TMEM108: variants seen among roughly 807,000 people sequenced by gnomAD.
TMEM108 encodes cancer/testis antigen 124.
TMEM108 carries 12 observed loss-of-function variants against 35.1 expected under a neutral mutation model. That is an observed-to-expected ratio of 0.34 (90% CI 0.22 to 0.55). TMEM108 has a LOEUF of 0.55. TMEM108 is among the 20% of genes least tolerant of loss of function. TMEM108 has a pLI of 0.89. For synonymous variants in TMEM108, 287 were observed against 308.6 expected (o/e 0.93, Z 0.73); for missense variants, 680 against 753.3 (o/e 0.90, Z 1.14).
chr3:133,163,873 T>G (rs2107781981), intron 2 of TMEM108, among the ~76,000 whole-genome samples: 1 of 152,318 alleles, frequency 6.6e-6, no homozygotes, highest in African/African-American at 2.4e-5. Flanking sequence ...TTCCCACAGC[T>G]TAGGCTGCTG....
intron 3 of TMEM108, among the ~76,000 whole-genome samples, chr3:133,338,125 T>G (rs1017670239): frequency 6.6e-6 from 1 of 151,914 alleles, no homozygotes; most frequent in African/African-American, 2.4e-5. Flanking sequence ...GAGAAAGAGA[T>G]GGGGTAGAAA....
intron 3 of TMEM108, among the ~76,000 whole-genome samples, chr3:133,324,881 C>G (rs2071310950): frequency 6.6e-6 from 1 of 152,160 alleles, no homozygotes; most frequent in Admixed American, 6.5e-5. Context: ...GAGTCTGAAG[C>G]AGGAGAATTG....
At position 133,382,337 on chromosome 3, in the gene TMEM108, C is replaced by CA. The variant is rs1333929853; in HGVS notation, c.1450+1177dup. On this transcript the variant is annotated intron_variant, in intron 4 of 5. Coordinates refer to ENST00000321871, the MANE Select transcript of TMEM108 (RefSeq NM_023943.4). Reference sequence around the variant, plus strand: ...GGCCCTAAGCTGTGCCATCTGAAGCCATACAACTCTAGTTTGTCTAGCAAC... The same window carrying CA: ...GGCCCTAAGCTGTGCCATCTGAAGCCAATACAACTCTAGTTTGTCTAGCAAC... 9.2e-5 allele frequency among the ~76,000 whole-genome samples: 14 copies of CA among 152,352 alleles called. No individual in the cohort carries two copies. The East Asian group carries it at 2.7e-3, about 29-fold the overall frequency.
chr3:133,189,507 G>A (rs1230235136), intron 2 of TMEM108, among the ~76,000 whole-genome samples: 1 of 152,218 alleles, frequency 6.6e-6, no homozygotes, highest in Non-Finnish European at 1.5e-5. Context: ...TTTCCTCTGT[G>A]TGGTAGAAGA....
intron 2 of TMEM108, among the ~76,000 whole-genome samples, chr3:133,102,072 A>C (rs2107716072): frequency 6.6e-6 from 1 of 152,344 alleles, no homozygotes; most frequent in East Asian, 1.9e-4. Context: ...AATATGATTA[A>C]GTTACGTGAT....
chr3:133,106,082 T>C (rs1038822122), intron 2 of TMEM108, among the ~76,000 whole-genome samples: 5 of 151,286 alleles, frequency 3.3e-5, no homozygotes, highest in Admixed American at 6.6e-5. Context: ...TACATACTTA[T>C]AATAAGTGCA....
At chr3:133,324,077 A>G (rs951448826) in intron 3 of TMEM108, among the ~76,000 whole-genome samples, 1 of 152,240 alleles carries the variant, frequency 6.6e-6, no homozygotes, top group African/African-American at 2.4e-5. Context: ...AAAATTATAG[A>G]AGATAACATC....
chr3:133,396,018 T>C lies in TMEM108; in HGVS notation c.*32T>C. On this transcript the variant is annotated 3_prime_UTR_variant, in exon 6 of 6. Transcript: ENST00000321871. ...CAGGCATCACTTTGCCATTCCGTATTTTTCGTCTCTAAATTATAAATATAC... is the reference window on the plus strand; with the variant it reads ...CAGGCATCACTTTGCCATTCCGTATCTTTCGTCTCTAAATTATAAATATAC... The C allele has an allele frequency of 6.7e-7, 1 of 1,484,622 alleles. No individual in the cohort carries two copies. Among genetic ancestry groups the C allele is most frequent in the African/African-American group, 1.4e-5 (1 of 70,168 alleles). 92.0% of individuals were successfully genotyped at this position (1,484,622 alleles called of 1,614,324 possible). A position where few individuals can be genotyped will look rare whatever the true frequency, so the allele number is the denominator to read the frequency against.
intron 4 of TMEM108, among the ~76,000 whole-genome samples, chr3:133,382,037 C>G (rs2073027251): frequency 6.6e-6 from 1 of 152,184 alleles, no homozygotes; most frequent in African/African-American, 2.4e-5. Context: ...TACAACCTCT[C>G]AGAACTTTAG....
intron 2 of TMEM108, among the ~76,000 whole-genome samples, chr3:133,206,930 C>G (rs1945763912): frequency 6.6e-6 from 1 of 152,154 alleles, no homozygotes; most frequent in African/African-American, 2.4e-5. Context: ...GTGCTGTATC[C>G]CAGGGAGATG....
intron 2 of TMEM108, among the ~76,000 whole-genome samples, chr3:133,153,788 G>A (rs764985102): frequency 6.6e-5 from 10 of 152,088 alleles, no homozygotes; most frequent in East Asian, 3.8e-4. Context: ...AAGGCAAACC[G>A]AAGTCTGCAA....
chr3:133,169,851 T>C (rs2107789040), intron 2 of TMEM108, among the ~76,000 whole-genome samples: 1 of 151,846 alleles, frequency 6.6e-6, no homozygotes, highest in East Asian at 1.9e-4. Flanking sequence ...CCCCAATGAG[T>C]AAAAACACAG....
intron 2 of TMEM108, among the ~76,000 whole-genome samples, chr3:133,072,793 C>G (rs1943691836): frequency 1.3e-5 from 2 of 152,114 alleles, no homozygotes; most frequent in Non-Finnish European, 2.9e-5. Flanking sequence ...AAACCTCATA[C>G]CCATTAGCAG....
chr3:133,246,685 A>T (rs1043966837), intron 3 of TMEM108: 5 of 152,142 alleles, frequency 3.3e-5, no homozygotes, highest in Admixed American at 6.5e-5. Flanking sequence ...CACTCACTCC[A>T]CTGAGGCACC....
intron 3 of TMEM108, among the ~76,000 whole-genome samples, chr3:133,230,424 G>T (rs905790683): frequency 2.0e-5 from 3 of 152,208 alleles, no homozygotes; most frequent in Non-Finnish European, 4.4e-5. Flanking sequence ...GTCGCCAAGT[G>T]TTATAGGGAC....
intron 3 of TMEM108, among the ~76,000 whole-genome samples, chr3:133,269,962 G>A (rs1400951956): frequency 1.3e-5 from 2 of 152,210 alleles, no homozygotes; most frequent in Admixed American, 1.3e-4. Context: ...CTCCTGGAGT[G>A]AGCTAGTGTT....
intron 2 of TMEM108, among the ~76,000 whole-genome samples, chr3:133,118,613 T>A (rs898772136): frequency 2.0e-5 from 3 of 152,190 alleles, no homozygotes; most frequent in South Asian, 2.1e-4. Context: ...TGTTACCAGA[T>A]TGTGTTTTTG....
intron 2 of TMEM108, among the ~76,000 whole-genome samples, chr3:133,159,924 G>A (rs1944936980): frequency 1.3e-5 from 2 of 152,210 alleles, no homozygotes; most frequent in African/African-American, 4.8e-5. Flanking sequence ...ACCCAGCAAA[G>A]GTGCAGAGAG....
At chr3:133,103,407 G>T (rs1289150571) in intron 2 of TMEM108, among the ~76,000 whole-genome samples, 1 of 152,110 alleles carries the variant, frequency 6.6e-6, no homozygotes, top group East Asian at 1.9e-4. Flanking sequence ...CACATAGAGG[G>T]AAACAGCACA....
Sources: allele counts gnomAD v4.1 joint callset (sites outside exome capture counted in the v4.1 genomes callset), GRCh38; gene constraint gnomAD v4.1.1; transcripts MANE v1.5; gene names NCBI Gene and HGNC (gene_info 2026-07-23, HGNC 2026-07-21).